TULP4: variants seen among roughly 807,000 people sequenced by gnomAD.
TULP4 encodes TUB like protein 4, also known as tubby-related protein 4.
In TULP4, 16 loss-of-function variants were observed where a neutral mutation model predicts 129.0. The observed-to-expected ratio is 0.12, with a 90% CI of 0.08 to 0.19. TULP4 has a LOEUF of 0.19. Among genes scored for constraint, TULP4 ranks in the 10% least tolerant of loss-of-function variants. The probability of loss-of-function intolerance (pLI) is 1.00; values close to 1 mark genes in which losing one functional copy is unlikely to be tolerated. For synonymous variants in TULP4, 998 were observed against 854.0 expected (o/e 1.17, Z -2.94); for missense variants, 1,842 against 2,059.1 (o/e 0.89, Z 2.04).
chr6:158,424,613 A>G (rs1415744957), intron 2 of TULP4, among the ~76,000 whole-genome samples: 1 of 152,210 alleles, frequency 6.6e-6, no homozygotes, highest in Non-Finnish European at 1.5e-5. Flanking sequence ...TAAATGCTAA[A>G]TAAATAGTTG....
At chr6:158,240,346 T>C (rs1415689129) in intron 1 of TULP4, among the ~76,000 whole-genome samples, 4 of 73,246 alleles carry the variant, frequency 5.5e-5, no homozygotes, top group East Asian at 5.6e-4. Flanking sequence ...GGCGGGGGGC[T>C]GACTCCCCCA....
intron 1 of TULP4, among the ~76,000 whole-genome samples, chr6:158,265,921 G>A (rs1000854380): frequency 6.6e-6 from 1 of 152,214 alleles, no homozygotes; most frequent in Non-Finnish European, 1.5e-5. Flanking sequence ...AGTAACACAT[G>A]AGGGAGCTTC....
chr6:158,307,926 C>T (rs1779245766), upstream of TULP4, among the ~76,000 whole-genome samples: 1 of 151,952 alleles, frequency 6.6e-6, no homozygotes, highest in South Asian at 2.1e-4. Flanking sequence ...GGGGAGCTCG[C>T]AAGCTCATAG....
intron 1 of TULP4, among the ~76,000 whole-genome samples, chr6:158,410,392 TCTC>T (rs1778069503): frequency 6.6e-6 from 1 of 152,196 alleles, no homozygotes; most frequent in Non-Finnish European, 1.5e-5. Context: ...GGCTAGCCTC[TCTC>T]CTCTGGAGTA....
intron 1 of TULP4, among the ~76,000 whole-genome samples, chr6:158,375,912 G>A (rs1777176139): frequency 6.6e-6 from 1 of 152,194 alleles, no homozygotes; most frequent in African/African-American, 2.4e-5. Context: ...CAGGAACAAG[G>A]GAGATCATTG....
At chr6:158,442,837 T>C (rs1778931395) in intron 3 of TULP4, among the ~76,000 whole-genome samples, 1 of 151,462 alleles carries the variant, frequency 6.6e-6, no homozygotes, top group Non-Finnish European at 1.5e-5. Context: ...TTTAATGGAG[T>C]TTTGCTCTTG....
Position 158,502,139 on chromosome 6 carries a change from G to T in TULP4, c.2476G>T (p.Val826Phe). The change falls in exon 13 of 14, where the codon GTC becomes TTC. Residue 826 changes from valine (V) to phenylalanine (F), a missense_variant. Around this residue, in one of 5 missense-constraint regions of TULP4, gnomAD observed 1,089 missense variants for 987.1 expected, o/e 1.10. Coordinates refer to ENST00000367097, the MANE Select transcript of TULP4 (RefSeq NM_020245.5). Reference sequence around the variant, plus strand: ...AGTGGTCTTTAGTGCCCCCCAGGAGGTCCAGGTGACGAAGATAAACCCTCC... The same window carrying T: ...AGTGGTCTTTAGTGCCCCCCAGGAGTTCCAGGTGACGAAGATAAACCCTCC... ...DAVVFSAPQEVQVTKINPPPP... is the reference protein window; with the variant it reads ...DAVVFSAPQEFQVTKINPPPP... 1.9e-6 allele frequency: 3 copies of T among 1,604,610 alleles called. No homozygotes were observed. The highest frequency in any genetic ancestry group is 1.7e-4 in the Middle Eastern group (1 of 6,012).
At chr6:158,255,123 C>T (rs1250549091) in intron 1 of TULP4, among the ~76,000 whole-genome samples, 2 of 152,110 alleles carry the variant, frequency 1.3e-5, no homozygotes, top group Non-Finnish European at 2.9e-5. Context: ...CCTTGTCTTA[C>T]TCCCTCACCC....
Position 158,404,383 on chromosome 6 carries a change from G to A in TULP4, c.253-8682G>A, listed in dbSNP as rs139042334. Among the ~76,000 whole-genome samples the A allele has an allele frequency of 8.0e-3, 1,219 of 152,172 alleles. 13 individuals carry two copies. Among genetic ancestry groups the A allele is most frequent in the Non-Finnish European group, 9.6e-3 (654 of 68,012 alleles). Reference sequence around the variant, plus strand: ...GATGCTTGGAAGATGTTAGGCCAGGGATCTCTTTGGTGTATGTTACATTTT... The same window carrying A: ...GATGCTTGGAAGATGTTAGGCCAGGAATCTCTTTGGTGTATGTTACATTTT... On this transcript the variant is annotated intron_variant, in intron 1 of 13. Transcript: ENST00000367097.
intron 1 of TULP4, among the ~76,000 whole-genome samples, chr6:158,318,311 C>A (rs989906538): frequency 1.5e-4 from 23 of 152,060 alleles, no homozygotes. Context: ...CCCCACCCAC[C>A]GCAAAGAAAA....
At chr6:158,423,120 A>AGGGGG (rs746768899) in intron 2 of TULP4, among the ~76,000 whole-genome samples, 1 of 59,162 alleles carries the variant, frequency 1.7e-5, no homozygotes. Context: ...TCCACAAAAA[A>AGGGGG]GAGGGGGGGG....
intron 1 of TULP4, among the ~76,000 whole-genome samples, chr6:158,275,393 T>A (rs1201360842): frequency 6.6e-6 from 1 of 152,178 alleles, no homozygotes; most frequent in African/African-American, 2.4e-5. Flanking sequence ...CTGAGAGGGT[T>A]TGGCCATATT....
At chr6:158,428,762 A>T (rs1318765026) in intron 2 of TULP4, among the ~76,000 whole-genome samples, 1 of 152,192 alleles carries the variant, frequency 6.6e-6, no homozygotes, top group Non-Finnish European at 1.5e-5. Flanking sequence ...AGTGAGAGGC[A>T]GTGTAACAGT....
chr6:158,461,528 G>A (rs755839369), intron 5 of TULP4, 35 bp from the exon 6 acceptor site: 5 of 1,600,222 alleles, frequency 3.1e-6, no homozygotes, highest in Admixed American at 3.4e-5. Flanking sequence ...GAGGAGGGCT[G>A]TGTCCTTGTG....
At position 158,357,246 on chromosome 6, in the gene TULP4, C is replaced by G. The variant is rs142176352; in HGVS notation, c.252+42978C>G. ...GGTTTTATTTGTCTAGAAATGAGAG[C>G]CTTGTCTGAGGAGAACATGCATTTT... On this transcript the variant is annotated intron_variant, in intron 1 of 13. Coordinates refer to ENST00000367097, the MANE Select transcript of TULP4 (RefSeq NM_020245.5). Among the ~76,000 whole-genome samples, 7 of 152,294 alleles carry G rather than the reference C, an allele frequency of 4.6e-5. No homozygotes were observed. The East Asian group carries it at 1.4e-3, about 29-fold the overall frequency.
intron 1 of TULP4, among the ~76,000 whole-genome samples, chr6:158,273,265 T>C (rs1778581812): frequency 6.6e-6 from 1 of 152,192 alleles, no homozygotes; most frequent in East Asian, 1.9e-4. Context: ...GCTCAGGTGT[T>C]GAGACTCCCC....
chr6:158,340,462 G>A (rs897455537), intron 1 of TULP4, among the ~76,000 whole-genome samples: 2 of 152,072 alleles, frequency 1.3e-5, no homozygotes, highest in Non-Finnish European at 2.9e-5. Context: ...GTGTGTGGGT[G>A]TGCATATCTC....
At chr6:158,237,100 T>C (rs970894810) in intron 1 of TULP4, among the ~76,000 whole-genome samples, 1 of 152,008 alleles carries the variant, frequency 6.6e-6, no homozygotes, top group Non-Finnish European at 1.5e-5. Context: ...TGAGCCACCG[T>C]GCCCGGCCAT....
chr6:158,279,307 A>T (rs1778706367), upstream of TULP4, among the ~76,000 whole-genome samples: 1 of 152,136 alleles, frequency 6.6e-6, no homozygotes, highest in African/African-American at 2.4e-5. Context: ...TAAATTATAT[A>T]TGCTTTCTAC....
Sources: gnomAD v4.1 joint callset for allele counts (sites outside exome capture counted in the v4.1 genomes callset) on GRCh38, gnomAD v4.1.1 for gene constraint, gnomAD v4.1.1 regional missense constraint, MANE v1.5 for transcripts, NCBI Gene and HGNC (gene_info 2026-07-23, HGNC 2026-07-21) for gene names.